MST1R: variants seen among roughly 807,000 people sequenced by gnomAD.
The protein encoded by MST1R is macrophage-stimulating protein receptor.
In MST1R, 99 loss-of-function variants were observed where a neutral mutation model predicts 117.8. The ratio of observed to expected loss-of-function variants is 0.84; its 90% CI spans 0.71 to 0.99. MST1R has a LOEUF of 0.99. Ranked by LOEUF, MST1R falls within the 50% of genes least tolerant of loss-of-function variation. MST1R has a pLI of 0.00. For synonymous variants in MST1R, 734 were observed against 765.3 expected (o/e 0.96, Z 0.68); for missense variants, 1,683 against 1,840.2 (o/e 0.91, Z 1.56).
chr3:49,887,457 G>A lies in MST1R; in HGVS notation c.4053C>T (p.Asp1351=), dbSNP rs780662966. The change falls in exon 20 of 20, where the codon GAC becomes GAT. Residue 1351 remains aspartate, a synonymous_variant. Coordinates refer to ENST00000296474, the MANE Select transcript of MST1R (RefSeq NM_002447.4). ...AGGTTGCTGGCAGCTGCACATAATG[G>A]TCCCCAAGCAGTGCAGACACTATCT... The part of the protein sequence containing the change: ...VEQIVSALLG[D]HYVQLPATYM... 1 of 1,614,224 alleles carries A rather than the reference G, an allele frequency of 6.2e-7. No homozygotes were observed. The highest frequency in any genetic ancestry group is 8.5e-7 in the Non-Finnish European group (1 of 1,180,040).
Position 49,903,290 on chromosome 3 carries a change from C to T in MST1R, c.320G>A (p.Cys107Tyr). 1.9e-6 allele frequency: 3 copies of T among 1,611,842 alleles called. No homozygotes were observed. The South Asian group carries it at 3.3e-5, about 18-fold the overall frequency. Residue 107 changes from cysteine to tyrosine, a missense_variant, in exon 1 of 20, where the codon TGT (cysteine) becomes TAT (tyrosine). Physicochemically the swap from Cys to Tyr is radical, Grantham distance 194. Transcript: ENST00000296474. ...GDPGCQTCAA[C>Y]GPGPHGPPGD... is the part of the protein sequence containing the mutation. ...GGGAGGGCCGTGGGGTCCTGGGCCA[C>T]AGGCTGCACACGTCTGGCAGCCAGG...
chr3:49,895,637 C>CAG, intron 12 of MST1R, 78 bp downstream of exon 12: 1 of 1,611,260 alleles, frequency 6.2e-7, no homozygotes, highest in Non-Finnish European at 8.5e-7. Flanking sequence ...AAGTCCTGGG[C>CAG]AGAGAGAGGA....
intron 1 of MST1R, among the ~76,000 whole-genome samples, chr3:49,899,988 T>C (rs1324641694): frequency 6.6e-6 from 1 of 152,100 alleles, no homozygotes; most frequent in Non-Finnish European, 1.5e-5. Context: ...GCAAGAGTCT[T>C]CTCCTGCCCC....
rs2230591 is a variant in MST1R at position 49,899,193 on chromosome 3, G to A, written c.1301C>T (p.Ser434Leu). Residue 434 changes from serine to leucine, a missense_variant, in exon 2 of 20, where the codon TCA (serine) becomes TTA (leucine). By Grantham distance (145) the Ser-to-Leu change is moderately radical. Transcript: ENST00000296474. ...CAGCCCATTGAATAGGTCCACACGT[G>A]AGAAGCTGCTACTGACCAGCAGAGG... is the stretch of plus-strand genomic sequence containing the variant. ...HFPLLVSSSF[S>L]RVDLFNGLLG... 1.2e-3 allele frequency: 1,893 copies of A among 1,614,220 alleles called. 15 individuals carry two copies. The Middle Eastern group carries it at 0.017, about 15-fold the overall frequency.
chr3:49,901,276 A>G (rs570217785), intron 1 of MST1R, among the ~76,000 whole-genome samples: 73 of 152,228 alleles, frequency 4.8e-4, no homozygotes, highest in Admixed American at 7.8e-4. Flanking sequence ...ATAGGAGCGG[A>G]AAGGAGTCTT....
chr3:49,903,504 C>T lies in MST1R; in HGVS notation c.106G>A (p.Ala36Thr), dbSNP rs1299468144. Reference sequence around the variant, plus strand: ...TACTTCACGTCAAAGTCGCGAGAGGCCGCGTAGGGGGTGCGCGGGCACTGC... The same window carrying T: ...TACTTCACGTCAAAGTCGCGAGAGGTCGCGTAGGGGGTGCGCGGGCACTGC... Reference protein sequence around the residue: ...DWQCPRTPYAASRDFDVKYVV... With the variant: ...DWQCPRTPYATSRDFDVKYVV... The change falls in exon 1 of 20, where the codon GCC (alanine) becomes ACC (threonine). Residue 36 changes from alanine to threonine, a missense_variant. Coordinates refer to ENST00000296474, the MANE Select transcript of MST1R (RefSeq NM_002447.4). 1 of 1,610,370 alleles carries T rather than the reference C, an allele frequency of 6.2e-7. No homozygotes were observed. The highest frequency in any genetic ancestry group is 8.5e-7 in the Non-Finnish European group (1 of 1,179,912).
In MST1R at chr3:49,903,642, C is replaced by T; in HGVS notation, c.-33G>A. On this transcript the variant is annotated 5_prime_UTR_variant, in exon 1 of 20. Transcript: ENST00000296474. ...AGCTGGGACCCTAGAGGATCCCTAC[C>T]GGCCTGGGCCTGGACCTGGGCGTGG... 6.5e-7 allele frequency: 1 copy of T among 1,534,636 alleles called. No homozygotes were observed. Among genetic ancestry groups the T allele is most frequent in the Non-Finnish European group, 8.7e-7 (1 of 1,147,868 alleles).
intron 19 of MST1R, among the ~76,000 whole-genome samples, chr3:49,888,474 C>T (rs1183489796): frequency 3.3e-5 from 5 of 150,634 alleles, no homozygotes; most frequent in African/African-American, 9.8e-5. Context: ...TGGTGGCACA[C>T]GCCTGTAGTC....
intron 4 of MST1R, 55 bp downstream of exon 4, chr3:49,898,463 C>A: frequency 1.3e-6 from 2 of 1,579,292 alleles, no homozygotes; most frequent in South Asian, 1.2e-5. Context: ...TGCTGACCAC[C>A]ACCCCAGGCC....
Position 49,903,564 on chromosome 3 carries a change from G to C in MST1R, c.46C>G (p.Leu16Val). The C allele has an allele frequency of 1.3e-6, 2 of 1,590,178 alleles. No individual in the cohort carries two copies. The highest frequency in any genetic ancestry group is 1.7e-6 in the Non-Finnish European group (2 of 1,173,436). ...PLPQSFLLLLLLPAKPAAGED... is the reference protein window; with the variant it reads ...PLPQSFLLLLVLPAKPAAGED... ...CCCGCCGCGGGCTTGGCAGGCAACA[G>C]CAGCAGCAACAGGAAGGACTGAGGC... The change falls in exon 1 of 20, where the codon CTG becomes GTG. Residue 16 changes from leucine to valine, a missense_variant. Transcript: ENST00000296474.
rs763498892 is a variant in MST1R, at chr3:49,891,815, C to T, written c.3295G>A (p.Gly1099Arg). 23 of 1,614,082 alleles carry T rather than the reference C, an allele frequency of 1.4e-5. No homozygotes were observed. The highest frequency in any genetic ancestry group is 5.3e-5 in the African/African-American group (4 of 75,008). Reference sequence around the variant, plus strand: ...TTCTGGGCCTGGTCTATGTATTCTCCGTGGTAGACAACTCCAAAGTGGCCT... The same window carrying T: ...TTCTGGGCCTGGTCTATGTATTCTCTGTGGTAGACAACTCCAAAGTGGCCT... ...GKGHFGVVYH[G>R]EYIDQAQNRI... is the part of the protein sequence containing the mutation. Residue 1099 changes from glycine to arginine, a missense_variant, in exon 15 of 20, where the codon GGA (glycine) becomes AGA (arginine). Gly to Arg is a moderately radical substitution (Grantham distance 125). Coordinates refer to ENST00000296474, the MANE Select transcript of MST1R (RefSeq NM_002447.4).
Position 49,897,114 on chromosome 3 carries a change from G to A in MST1R, c.2183+166C>T, listed in dbSNP as rs141018837. Among the ~76,000 whole-genome samples, 925 of 152,340 alleles carry A rather than the reference G, an allele frequency of 6.1e-3. 10 individuals are homozygous for A. Among genetic ancestry groups the A allele is most frequent in the African/African-American group, 0.021 (873 of 41,572 alleles). On this transcript the variant is annotated intron_variant, in intron 7 of 19. Coordinates refer to ENST00000296474, the MANE Select transcript of MST1R (RefSeq NM_002447.4). ...CTGGAGCCATTGGACTCTGTGATGG[G>A]CTCTCTTGCCTCTGGGCTGAAGAGG...
Position 49,887,467 on chromosome 3 carries a change from A to C in MST1R, c.4043T>G (p.Leu1348Arg). The change falls in exon 20 of 20, where the codon CTG becomes CGG. Residue 1348 changes from leucine to arginine, a missense_variant. Physicochemically the swap from Leu to Arg is moderately radical, Grantham distance 102. Coordinates refer to ENST00000296474, the MANE Select transcript of MST1R (RefSeq NM_002447.4). ...CAGCTGCACATAATGGTCCCCAAGC[A>C]GTGCAGACACTATCTGCTCCACCTC... Reference protein sequence around the residue: ...VGEVEQIVSALLGDHYVQLPA... With the variant: ...VGEVEQIVSARLGDHYVQLPA... 3 of 1,614,254 alleles carry C rather than the reference A, an allele frequency of 1.9e-6. 1 individual carries two copies. The highest frequency in any genetic ancestry group is 2.2e-5 in the South Asian group (2 of 91,090).
rs779416241 is a variant in MST1R, at chr3:49,887,468, G to T, written c.4042C>A (p.Leu1348Met). The change falls in exon 20 of 20, where the codon CTG (leucine) becomes ATG (methionine). Residue 1348 changes from leucine to methionine, a missense_variant. Coordinates refer to ENST00000296474, the MANE Select transcript of MST1R (RefSeq NM_002447.4). ...VGEVEQIVSALLGDHYVQLPA... is the reference protein window; with the variant it reads ...VGEVEQIVSAMLGDHYVQLPA... ...AGCTGCACATAATGGTCCCCAAGCAGTGCAGACACTATCTGCTCCACCTCC... is the reference window on the plus strand; with the variant it reads ...AGCTGCACATAATGGTCCCCAAGCATTGCAGACACTATCTGCTCCACCTCC... 5.0e-5 allele frequency: 80 copies of T among 1,614,124 alleles called. No individual in the cohort carries two copies. Among genetic ancestry groups the T allele is most frequent in the Admixed American group, 1.0e-4 (6 of 60,012 alleles).
At position 49,902,645 on chromosome 3, in the gene MST1R, C is replaced by T. The variant is rs2230593; in HGVS notation, c.965G>A (p.Arg322Gln). 94,473 of 1,613,442 alleles carry T rather than the reference C, an allele frequency of 0.059. 3,197 individuals carry two copies. Among genetic ancestry groups the T allele is most frequent in the Non-Finnish European group, 0.07 (83,113 of 1,180,030 alleles). Residue 322 changes from arginine to glutamine, a missense_variant, in exon 1 of 20, where the codon CGG becomes CAG. By Grantham distance (43) the Arg-to-Gln change is conservative. Coordinates refer to ENST00000296474, the MANE Select transcript of MST1R (RefSeq NM_002447.4). ...PEGGQPYPVL[R>Q]VAHSAPVGAQ... is the part of the protein sequence containing the mutation. ...ACCCACTGGAGCGGAGTGGGCCACC[C>T]GCAGCACAGGGTAGGGCTGTCCGCC...
In MST1R at chr3:49,887,438, C is replaced by G. The variant is rs145944620; in HGVS notation, c.4072G>C (p.Ala1358Pro). Residue 1358 changes from alanine (A) to proline (P), a missense_variant, in exon 20 of 20, where the codon GCA becomes CCA. Ala to Pro is a conservative substitution (Grantham distance 27). Transcript: ENST00000296474. ...LLGDHYVQLPATYMNLGPSTS... is the reference protein window; with the variant it reads ...LLGDHYVQLPPTYMNLGPSTS... ...CTGGGGCCCAAGTTCATGTAGGTTGCTGGCAGCTGCACATAATGGTCCCCA... is the reference window on the plus strand; with the variant it reads ...CTGGGGCCCAAGTTCATGTAGGTTGGTGGCAGCTGCACATAATGGTCCCCA... 1.9e-6 allele frequency: 3 copies of G among 1,614,226 alleles called. No homozygotes were observed. The highest frequency in any genetic ancestry group is 2.5e-6 in the Non-Finnish European group (3 of 1,180,036).
chr3:49,891,545 G>T lies in MST1R; in HGVS notation c.3388C>A (p.Arg1130=). ...TEMQQVEAFL[R]EGLLMRGLNH... ...AGGCCACGCATGAGCAGCCCCTCTCGCAGGAAGGCCTCCACCTGCTGCATC... is the reference window on the plus strand; with the variant it reads ...AGGCCACGCATGAGCAGCCCCTCTCTCAGGAAGGCCTCCACCTGCTGCATC... The change falls in exon 16 of 20, where the codon CGA becomes AGA. Residue 1130 remains arginine, a synonymous_variant. Coordinates refer to ENST00000296474, the MANE Select transcript of MST1R (RefSeq NM_002447.4). 6.2e-7 allele frequency: 1 copy of T among 1,613,904 alleles called. No homozygotes were observed. Among genetic ancestry groups the T allele is most frequent in the Non-Finnish European group, 8.5e-7 (1 of 1,180,030 alleles).
intron 1 of MST1R, among the ~76,000 whole-genome samples, chr3:49,900,419 G>C (rs1438013338): frequency 6.6e-6 from 1 of 152,134 alleles, no homozygotes; most frequent in South Asian, 2.1e-4. Context: ...GCCAGCCCTA[G>C]GTGCTTAGGA....
chr3:49,898,539 G>A lies in MST1R; in HGVS notation c.1698C>T (p.His566=), dbSNP rs1483300869. The A allele has an allele frequency of 3.1e-6, 5 of 1,613,796 alleles. No individual in the cohort carries two copies. Among genetic ancestry groups the A allele is most frequent in the Non-Finnish European group, 4.2e-6 (5 of 1,180,034 alleles). The change falls in exon 4 of 20, where the codon CAC becomes CAT. Residue 566 remains histidine (H), a synonymous_variant. Coordinates refer to ENST00000296474, the MANE Select transcript of MST1R (RefSeq NM_002447.4). ...KECPGSWQQD[H]CPPKLTEFHP... Reference sequence around the variant, plus strand: ...ATACCTCAGTAAGCTTAGGTGGGCAGTGGTCCTGTTGCCAGGAGCCAGGAC... The same window carrying A: ...ATACCTCAGTAAGCTTAGGTGGGCAATGGTCCTGTTGCCAGGAGCCAGGAC...
Sources: gnomAD v4.1 joint callset for allele counts (sites outside exome capture counted in the v4.1 genomes callset) on GRCh38, gnomAD v4.1.1 for gene constraint, MANE v1.5 for transcripts, NCBI Gene and HGNC (gene_info 2026-07-23, HGNC 2026-07-21) for gene names.